The following GIMAP7 variants were observed in gnomAD, a reference collection of about 807,000 sequenced individuals.
The protein encoded by GIMAP7 is GTPase, IMAP family member 7.
For synonymous variants in GIMAP7, 137 were observed against 129.3 expected, an observed-to-expected ratio of 1.06 and a Z score of -0.40; for missense variants, 323 against 359.7, an observed-to-expected ratio of 0.90 and a Z score of 0.83.
chr7:150,519,362 C>A (rs868159785), intron 1 of GIMAP7, among the ~76,000 whole-genome samples: 1 of 152,150 alleles, frequency 6.6e-6, no homozygotes, highest in East Asian at 1.9e-4. Flanking sequence ...GGCCAAATAT[C>A]TTTCCTGCAT....
Position 150,520,029 on chromosome 7 carries a change from A to C in GIMAP7, c.55A>C (p.Ser19Arg), listed in dbSNP as rs776236952. 4 of 1,614,148 alleles carry C rather than the reference A, an allele frequency of 2.5e-6. No homozygotes were observed. In the South Asian group the frequency reaches 4.4e-5, roughly 18 times the overall value. ...GATCGTTCTGGTAGGGAAAACTGGA[A>C]GTGGGAAAAGTGCAACAGCGAACAC... ...LRIVLVGKTG[S>R]GKSATANTIL... is the part of the protein sequence containing the mutation. The change falls in exon 2 of 2, where the codon AGT becomes CGT. Residue 19 changes from serine to arginine, a missense_variant. By Grantham distance (110) the Ser-to-Arg change is moderately radical. Transcript: ENST00000313543.
At chr7:150,516,659 T>C (rs760337428) in intron 1 of GIMAP7, among the ~76,000 whole-genome samples, 1 of 152,246 alleles carries the variant, frequency 6.6e-6, no homozygotes, top group Non-Finnish European at 1.5e-5. Context: ...TTTCACTTAA[T>C]GTGTAGGTTT....
rs546766721 is a variant in GIMAP7, at chr7:150,514,948, G to A, written c.-42+3G>A. ...AAATTCAACTTGTTCAAGAGAAGGT[G>A]AGCCTGGCTGAGAAGAGGGTCTGGT... is the stretch of plus-strand genomic sequence containing the variant. On this transcript the variant is annotated splice_donor_region_variant and intron_variant, in intron 1 of 1. Transcript: ENST00000313543. 1 of 152,606 alleles carries A rather than the reference G, an allele frequency of 6.6e-6. No homozygotes were observed. The highest frequency in any genetic ancestry group is 1.5e-5 in the Non-Finnish European group (1 of 68,224). 9.5% of individuals were successfully genotyped at this position (152,606 alleles called of 1,614,324 possible).
At chr7:150,515,419 A>G (rs1017171190) in intron 1 of GIMAP7, among the ~76,000 whole-genome samples, 1 of 152,246 alleles carries the variant, frequency 6.6e-6, no homozygotes, top group Non-Finnish European at 1.5e-5. Context: ...TTTTTCCAGC[A>G]TTAAGCAGAG....
At position 150,520,109 on chromosome 7, in the gene GIMAP7, G is replaced by A. The variant is rs1563302234; in HGVS notation, c.135G>A (p.Lys45=). Residue 45 remains lysine, a synonymous_variant, in exon 2 of 2, where the codon AAG becomes AAA. Coordinates refer to ENST00000313543, the MANE Select transcript of GIMAP7 (RefSeq NM_153236.4). The part of the protein sequence containing the change: ...DSRIAAQAVT[K]NCQKASREWQ... Reference sequence around the variant, plus strand: ...GAATTGCTGCCCAAGCTGTTACCAAGAACTGTCAAAAAGCATCCCGGGAAT... The same window carrying A: ...GAATTGCTGCCCAAGCTGTTACCAAAAACTGTCAAAAAGCATCCCGGGAAT... The A allele has an allele frequency of 1.9e-6, 3 of 1,614,170 alleles. No homozygotes were observed. Among genetic ancestry groups the A allele is most frequent in the Non-Finnish European group, 2.5e-6 (3 of 1,180,038 alleles).
At position 150,520,130 on chromosome 7, in the gene GIMAP7, G is replaced by C. The variant is rs1795173231; in HGVS notation, c.156G>C (p.Arg52=). The change falls in exon 2 of 2, where the codon CGG becomes CGC. Residue 52 remains arginine (R), a synonymous_variant. Coordinates refer to ENST00000313543, the MANE Select transcript of GIMAP7 (RefSeq NM_153236.4). ...CCAAGAACTGTCAAAAAGCATCCCGGGAATGGCAGGGGAGAGACCTTCTTG... is the reference window on the plus strand; with the variant it reads ...CCAAGAACTGTCAAAAAGCATCCCGCGAATGGCAGGGGAGAGACCTTCTTG... The part of the protein sequence containing the change: ...AVTKNCQKAS[R]EWQGRDLLVV... The C allele has an allele frequency of 2.5e-6, 4 of 1,614,134 alleles. 1 individual carries two copies. The highest frequency in any genetic ancestry group is 1.6e-4 in the Middle Eastern group (1 of 6,062).
chr7:150,518,738 T>C (rs192807993), intron 1 of GIMAP7, among the ~76,000 whole-genome samples: 1 of 152,250 alleles, frequency 6.6e-6, no homozygotes, highest in East Asian at 1.9e-4. Context: ...TATACTATTT[T>C]AAATCTTAGT....
chr7:150,519,135 G>A (rs188986599), intron 1 of GIMAP7, among the ~76,000 whole-genome samples: 1 of 152,128 alleles, frequency 6.6e-6, no homozygotes, highest in East Asian at 1.9e-4. Flanking sequence ...ATATTTAATT[G>A]TCTGGTAGAG....
intron 1 of GIMAP7, among the ~76,000 whole-genome samples, chr7:150,519,521 A>G (rs919306085): frequency 6.6e-6 from 1 of 152,228 alleles, no homozygotes; most frequent in Non-Finnish European, 1.5e-5. Flanking sequence ...GGATTTGTAT[A>G]TTAGTATTCA....
At chr7:150,518,705 A>G (rs1466654666) in intron 1 of GIMAP7, among the ~76,000 whole-genome samples, 1 of 152,088 alleles carries the variant, frequency 6.6e-6, no homozygotes, top group East Asian at 1.9e-4. Context: ...TTTTTGTGTA[A>G]TCAAACTTAT....
chr7:150,517,382 C>T (rs1342433815), intron 1 of GIMAP7, among the ~76,000 whole-genome samples: 1 of 152,110 alleles, frequency 6.6e-6, no homozygotes, highest in East Asian at 1.9e-4. Flanking sequence ...TTTTTTATAG[C>T]ATCCCTACTT....
chr7:150,515,200 G>C (rs1331504914), intron 1 of GIMAP7, among the ~76,000 whole-genome samples: 1 of 152,216 alleles, frequency 6.6e-6, no homozygotes, highest in Non-Finnish European at 1.5e-5. Context: ...TGTTGTGATA[G>C]ACACAGAGTG....
At chr7:150,517,370 A>G (rs1414579755) in intron 1 of GIMAP7, among the ~76,000 whole-genome samples, 1 of 152,190 alleles carries the variant, frequency 6.6e-6, no homozygotes, top group East Asian at 1.9e-4. Context: ...AAAACTAAGT[A>G]ATTTTTTATA....
intron 1 of GIMAP7, among the ~76,000 whole-genome samples, chr7:150,515,315 AGAATC>A (rs1275346318): frequency 3.3e-5 from 5 of 152,202 alleles, no homozygotes. Flanking sequence ...TTACAGAAAA[AGAATC>A]AGAATCCCAA....
In GIMAP7 at chr7:150,520,376, A is replaced by G. The variant is rs373463019; in HGVS notation, c.402A>G (p.Lys134=). ...MKHMVILFTR[K]EELEGQSFHD... ...ACATGGTCATCTTGTTCACTCGCAAAGAAGAGTTGGAGGGCCAGAGCTTCC... is the reference window on the plus strand; with the variant it reads ...ACATGGTCATCTTGTTCACTCGCAAGGAAGAGTTGGAGGGCCAGAGCTTCC... Residue 134 remains lysine (K), a synonymous_variant, in exon 2 of 2, where the codon AAA becomes AAG. Coordinates refer to ENST00000313543, the MANE Select transcript of GIMAP7 (RefSeq NM_153236.4). 8.1e-6 allele frequency: 13 copies of G among 1,614,238 alleles called. No individual in the cohort carries two copies. The highest frequency in any genetic ancestry group is 2.2e-5 in the East Asian group (1 of 44,890).
chr7:150,517,599 T>TACAC (rs113207147), intron 1 of GIMAP7, among the ~76,000 whole-genome samples: 5 of 150,620 alleles, frequency 3.3e-5, no homozygotes, highest in African/African-American at 1.2e-4. Context: ...CACACACACA[T>TACAC]ACACACACAC....
chr7:150,515,535 G>C (rs777636458), intron 1 of GIMAP7, among the ~76,000 whole-genome samples: 2 of 152,138 alleles, frequency 1.3e-5, no homozygotes, highest in Non-Finnish European at 2.9e-5. Flanking sequence ...GAAAGCCTAA[G>C]GACAACCCTG....
At chr7:150,517,619 AATT>A (rs1254289740) in intron 1 of GIMAP7, among the ~76,000 whole-genome samples, 1 of 151,938 alleles carries the variant, frequency 6.6e-6, no homozygotes. Context: ...CACACAGTGA[AATT>A]ATTAATACTA....
Position 150,520,151 on chromosome 7 carries a change from T to C in GIMAP7, c.177T>C (p.Leu59=), listed in dbSNP as rs1335854212. The C allele has an allele frequency of 6.2e-7, 1 of 1,614,084 alleles. No individual in the cohort carries two copies. The highest frequency in any genetic ancestry group is 1.7e-5 in the Admixed American group (1 of 60,018). Reference sequence around the variant, plus strand: ...CCCGGGAATGGCAGGGGAGAGACCTTCTTGTTGTAGACACTCCAGGGCTCT... The same window carrying C: ...CCCGGGAATGGCAGGGGAGAGACCTCCTTGTTGTAGACACTCCAGGGCTCT... The part of the protein sequence containing the change: ...KASREWQGRD[L]LVVDTPGLFD... The change falls in exon 2 of 2, where the codon CTT becomes CTC. Residue 59 remains leucine (L), a synonymous_variant. Coordinates refer to ENST00000313543, the MANE Select transcript of GIMAP7 (RefSeq NM_153236.4).
Sources: allele counts gnomAD v4.1 joint callset (sites outside exome capture counted in the v4.1 genomes callset), GRCh38; gene constraint gnomAD v4.1.1; transcripts MANE v1.5; gene names NCBI Gene and HGNC (gene_info 2026-07-23, HGNC 2026-07-21).